JHY: variants seen among roughly 807,000 people sequenced by gnomAD.
JHY encodes the protein jhy protein homolog.
A neutral mutation model predicts 78.0 loss-of-function variants in JHY; 69 were observed. The ratio of observed to expected loss-of-function variants is 0.88; its 90% CI spans 0.73 to 1.08. The LOEUF (loss-of-function observed/expected upper bound fraction) is 1.08, where lower values mean the gene tolerates loss of function less well. Ranked by LOEUF, JHY falls within the 50% of genes least tolerant of loss-of-function variation. The probability of loss-of-function intolerance (pLI) is 0.00; values close to 1 mark genes in which losing one functional copy is unlikely to be tolerated. For synonymous variants in JHY, 368 were observed against 342.6 expected, an observed-to-expected ratio of 1.07 and a Z score of -0.82; for missense variants, 944 against 927.8, an observed-to-expected ratio of 1.02 and a Z score of -0.23.
At chr11:122,958,764 C>T (rs2135386812) in intron 8 of JHY, 1 of 985,176 alleles carries the variant, frequency 1.0e-6, no homozygotes, top group Non-Finnish European at 1.2e-6. Flanking sequence ...AAAATTTCAA[C>T]CTCAAATACT....
At chr11:122,886,687 A>G (rs1483482923) in intron 2 of JHY, among the ~76,000 whole-genome samples, 5 of 152,146 alleles carry the variant, frequency 3.3e-5, no homozygotes, top group African/African-American at 4.8e-5. Flanking sequence ...GCCTCAAGCA[A>G]TCCTTCCACT....
intron 6 of JHY, among the ~76,000 whole-genome samples, chr11:122,949,832 TTTCTTTTC>T (rs943358496): frequency 7.8e-6 from 1 of 127,596 alleles, no homozygotes; most frequent in Non-Finnish European, 1.7e-5. Flanking sequence ...TTTTCTTTTC[TTTCTTTTC>T]TTTTTTTTTT....
intron 6 of JHY, 148 bp downstream of exon 6, chr11:122,946,940 C>A: frequency 1.2e-6 from 1 of 849,862 alleles, no homozygotes; most frequent in Non-Finnish European, 1.8e-6. Context: ...TTTCTTACTC[C>A]TGCCCCTGCT....
rs150640698 is a variant in JHY at position 122,892,524 on chromosome 11, G to A, written c.344+6331G>A. On this transcript the variant is annotated intron_variant, in intron 2 of 8. Transcript: ENST00000227349. ...TTTTTAGTAGAGACAGGGTTTCACCGTGTTAGTCAGGATGGTCTTGATCTT... is the reference window on the plus strand; with the variant it reads ...TTTTTAGTAGAGACAGGGTTTCACCATGTTAGTCAGGATGGTCTTGATCTT... Among the ~76,000 whole-genome samples, 675 of 152,076 alleles carry A rather than the reference G, an allele frequency of 4.4e-3. 14 individuals carry two copies. Among genetic ancestry groups the A allele is most frequent in the Admixed American group, 0.03 (458 of 15,260 alleles).
intron 1 of JHY, among the ~76,000 whole-genome samples, chr11:122,884,924 C>T (rs1410211323): frequency 6.6e-6 from 1 of 151,952 alleles, no homozygotes; most frequent in African/African-American, 2.4e-5. Context: ...CGCAGTCTCC[C>T]GAGTAGCTGG....
Position 122,946,607 on chromosome 11 carries a change from C to T in JHY, c.1744C>T (p.Gln582Ter), listed in dbSNP as rs781678960. The T allele has an allele frequency of 1.4e-5, 22 of 1,613,922 alleles. No homozygotes were observed. The highest frequency in any genetic ancestry group is 1.9e-5 in the Non-Finnish European group (22 of 1,179,998). The change falls in exon 6 of 9, where the codon CAG becomes TAG. Residue 582 changes from glutamine (Q) to a stop codon, truncating the protein, a stop_gained. Transcript: ENST00000227349. LOFTEE classifies it high-confidence loss of function. ...QQALVQLTDV[Q>*]PSEGALSSVT... ...AGCCTTGGTGCAGCTGACCGACGTGCAGCCCAGTGAAGGGGCCTTATCCAG... is the reference window on the plus strand; with the variant it reads ...AGCCTTGGTGCAGCTGACCGACGTGTAGCCCAGTGAAGGGGCCTTATCCAG...
Position 122,898,189 on chromosome 11 carries a change from C to T in JHY, c.345-5736C>T, listed in dbSNP as rs149814000. Among the ~76,000 whole-genome samples the T allele has an allele frequency of 3.6e-4, 55 of 152,316 alleles. No individual in the cohort carries two copies. The highest frequency in any genetic ancestry group is 1.3e-3 in the African/African-American group (53 of 41,570). Reference sequence around the variant, plus strand: ...CAGCAGCCTGCTTCTGTTTTCCTTGCTGCTGTATCTTCTGTGCCTAAGATT... The same window carrying T: ...CAGCAGCCTGCTTCTGTTTTCCTTGTTGCTGTATCTTCTGTGCCTAAGATT... On this transcript the variant is annotated intron_variant, in intron 2 of 8. Transcript: ENST00000227349. The surrounding 1 kb of genome is among the most constrained non-coding windows in gnomAD (Gnocchi z 4.4).
chr11:122,922,750 C>T (rs1009488953), intron 3 of JHY, among the ~76,000 whole-genome samples: 1 of 139,964 alleles, frequency 7.1e-6, no homozygotes, highest in African/African-American at 2.7e-5. Flanking sequence ...GCGGAGCTTG[C>T]AGTGAGCCGA....
intron 3 of JHY, among the ~76,000 whole-genome samples, chr11:122,907,826 T>G (rs1164202928): frequency 7.5e-6 from 1 of 133,220 alleles, no homozygotes; most frequent in South Asian, 2.6e-4. Flanking sequence ...AGAGTGAAAC[T>G]CTATCTCAAA....
chr11:122,949,598 G>C (rs1864043268), intron 6 of JHY, among the ~76,000 whole-genome samples: 1 of 152,104 alleles, frequency 6.6e-6, no homozygotes, highest in Admixed American at 6.6e-5. Flanking sequence ...GCCCCTCTGT[G>C]TACCCCGGGT....
intron 3 of JHY, among the ~76,000 whole-genome samples, chr11:122,910,139 AG>A (rs1863081887): frequency 6.6e-6 from 1 of 152,158 alleles, no homozygotes; most frequent in Non-Finnish European, 1.5e-5. Context: ...ATAACTTACC[AG>A]GATTTCTTAT....
chr11:122,910,079 A>G (rs771867973), intron 3 of JHY, among the ~76,000 whole-genome samples: 26 of 151,462 alleles, frequency 1.7e-4, no homozygotes, highest in Non-Finnish European at 2.8e-4. Flanking sequence ...GGTAGAGTAC[A>G]CTGCAGCTGT....
chr11:122,904,756 T>A (rs1862948970), intron 3 of JHY, among the ~76,000 whole-genome samples: 1 of 152,270 alleles, frequency 6.6e-6, no homozygotes, highest in African/African-American at 2.4e-5. Flanking sequence ...TCAGTTATTA[T>A]ATCCGAAATT....
chr11:122,916,456 C>T (rs1321360985), intron 3 of JHY, among the ~76,000 whole-genome samples: 2 of 152,118 alleles, frequency 1.3e-5, no homozygotes, highest in Non-Finnish European at 2.9e-5. Context: ...AAGGTCTTTT[C>T]TACCAGTGCA....
chr11:122,900,793 G>A (rs1014515458), intron 2 of JHY, among the ~76,000 whole-genome samples: 2 of 152,100 alleles, frequency 1.3e-5, no homozygotes, highest in South Asian at 4.1e-4. Context: ...AAGCCTCGGG[G>A]ATCTTTCTGT....
intron 2 of JHY, among the ~76,000 whole-genome samples, chr11:122,901,391 A>AT (rs1406142110): frequency 6.6e-6 from 1 of 152,096 alleles, no homozygotes; most frequent in Non-Finnish European, 1.5e-5. Flanking sequence ...CTCTAAATTT[A>AT]TTTTTAAAAA....
intron 5 of JHY, among the ~76,000 whole-genome samples, chr11:122,941,238 A>C (rs776905712): frequency 3.3e-5 from 5 of 152,224 alleles, no homozygotes; most frequent in Non-Finnish European, 7.3e-5. Flanking sequence ...CTCAGCAGTT[A>C]GAGCTAGAAA....
intron 2 of JHY, among the ~76,000 whole-genome samples, chr11:122,903,215 T>A (rs1591373572): frequency 6.6e-6 from 1 of 152,326 alleles, no homozygotes; most frequent in East Asian, 1.9e-4. Flanking sequence ...CCAGCCAAAG[T>A]GTGAAACATA....
At chr11:122,952,083 T>G (rs1565338376) in intron 6 of JHY, among the ~76,000 whole-genome samples, 3 of 152,058 alleles carry the variant, frequency 2.0e-5, no homozygotes, top group Non-Finnish European at 2.9e-5. Flanking sequence ...TGGGGATTAT[T>G]TTTACTATAA....
Sources: allele counts gnomAD v4.1 joint callset (sites outside exome capture counted in the v4.1 genomes callset), GRCh38; gene constraint gnomAD v4.1.1; non-coding constraint Gnocchi (gnomAD v3.1); transcripts MANE v1.5; gene names NCBI Gene and HGNC (gene_info 2026-07-23, HGNC 2026-07-21).